The following ARHGAP28 variants were observed in gnomAD, a reference collection of about 807,000 sequenced individuals.
The protein encoded by ARHGAP28 is Rho GTPase activating protein 28, also known as rho GTPase-activating protein 28.
In ARHGAP28, 56 loss-of-function variants were observed where a neutral mutation model predicts 90.7. The observed-to-expected ratio is 0.62, with a 90% CI of 0.50 to 0.77. The LOEUF is 0.77. Ranked by LOEUF, ARHGAP28 falls within the 30% of genes least tolerant of loss-of-function variation. The pLI is 0.00. For synonymous variants in ARHGAP28, 308 were observed against 323.3 expected, an observed-to-expected ratio of 0.95 and a Z score of 0.51; for missense variants, 869 against 900.9, an observed-to-expected ratio of 0.96 and a Z score of 0.45.
intron 2 of ARHGAP28, among the ~76,000 whole-genome samples, chr18:6,826,088 C>A (rs2056660069): frequency 1.3e-5 from 2 of 150,148 alleles, no homozygotes; most frequent in South Asian, 4.2e-4. Context: ...AGTACTTAAG[C>A]ATTCTCTTTT....
At chr18:6,846,499 T>C (rs1184382756) in intron 3 of ARHGAP28, among the ~76,000 whole-genome samples, 4 of 152,184 alleles carry the variant, frequency 2.6e-5, no homozygotes, top group African/African-American at 9.6e-5. Context: ...CAGTGGGTGC[T>C]GTGAGCAATC....
intron 5 of ARHGAP28, among the ~76,000 whole-genome samples, chr18:6,866,976 G>A (rs1004828758): frequency 3.9e-5 from 6 of 152,182 alleles, no homozygotes; most frequent in Non-Finnish European, 8.8e-5. Context: ...ATCTCTTTAA[G>A]GATTTGAGTG....
At chr18:6,904,269 C>G (rs1013726805) in intron 16 of ARHGAP28, among the ~76,000 whole-genome samples, 75 of 152,084 alleles carry the variant, frequency 4.9e-4, no homozygotes, top group Admixed American at 4.8e-3. Context: ...TGGCGGGCAC[C>G]TGTAATCTTA....
chr18:6,866,574 G>A (rs1265314178), intron 5 of ARHGAP28, among the ~76,000 whole-genome samples: 3 of 152,096 alleles, frequency 2.0e-5, no homozygotes, highest in Non-Finnish European at 4.4e-5. Flanking sequence ...ACTTGCAGTT[G>A]GTATTACAGA....
In ARHGAP28 at chr18:6,804,865, G is replaced by A. The variant is rs987337601; in HGVS notation, c.123-19897G>A. Among the ~76,000 whole-genome samples the A allele has an allele frequency of 3.3e-5, 5 of 152,226 alleles. No individual in the cohort carries two copies. In the East Asian group the frequency reaches 5.8e-4, roughly 18 times the overall value. ...AAATGTTCTATGTGTACTTGAAAAC[G>A]TGTATTCTGCTATTAATGGGTGAAA... On this transcript the variant is annotated intron_variant, in intron 1 of 17. Transcript: ENST00000383472.
chr18:6,847,985 G>A (rs1327430133), intron 3 of ARHGAP28, among the ~76,000 whole-genome samples: 1 of 152,116 alleles, frequency 6.6e-6, no homozygotes, highest in Non-Finnish European at 1.5e-5. Context: ...TTTCTACCAG[G>A]AAAGTTCATT....
chr18:6,841,925 A>G (rs2056830842), intron 3 of ARHGAP28, among the ~76,000 whole-genome samples: 1 of 152,108 alleles, frequency 6.6e-6, no homozygotes. Flanking sequence ...TATTTTCTCA[A>G]TTATCTCCTT....
chr18:6,782,310 C>A (rs934175245), intron 1 of ARHGAP28, among the ~76,000 whole-genome samples: 2 of 152,036 alleles, frequency 1.3e-5, no homozygotes, highest in African/African-American at 4.8e-5. Context: ...GTTATTCTTT[C>A]CATCTTTTAA....
chr18:6,814,808 G>A (rs2056579690), intron 1 of ARHGAP28, among the ~76,000 whole-genome samples: 1 of 152,188 alleles, frequency 6.6e-6, no homozygotes, highest in Admixed American at 6.5e-5. Flanking sequence ...TTAAAAAGAT[G>A]TTTATCCAGA....
intron 1 of ARHGAP28, among the ~76,000 whole-genome samples, chr18:6,817,136 A>T (rs2056596579): frequency 6.6e-6 from 1 of 151,720 alleles, no homozygotes; most frequent in Non-Finnish European, 1.5e-5. Flanking sequence ...CAACATGGTG[A>T]AACCCCGTCT....
chr18:6,831,731 C>T (rs1322986832), intron 2 of ARHGAP28, among the ~76,000 whole-genome samples: 1 of 151,844 alleles, frequency 6.6e-6, no homozygotes, highest in African/African-American at 2.4e-5. Flanking sequence ...TTTATCTTGC[C>T]TTATTGTACT....
At chr18:6,856,718 A>C (rs1204948219) in intron 4 of ARHGAP28, among the ~76,000 whole-genome samples, 1 of 152,158 alleles carries the variant, frequency 6.6e-6, no homozygotes, top group Non-Finnish European at 1.5e-5. Flanking sequence ...AATTACAGTT[A>C]ATCAAAATAT....
At chr18:6,829,727 A>T (rs962581448) in intron 2 of ARHGAP28, among the ~76,000 whole-genome samples, 4 of 152,092 alleles carry the variant, frequency 2.6e-5, no homozygotes, top group Non-Finnish European at 4.4e-5. Flanking sequence ...ATCATTAATT[A>T]TTTTGGGGTT....
chr18:6,836,820 C>G (rs1600229068), intron 2 of ARHGAP28, among the ~76,000 whole-genome samples: 1 of 152,150 alleles, frequency 6.6e-6, no homozygotes, highest in East Asian at 1.9e-4. Flanking sequence ...GGCATTTGAA[C>G]CTCCATGTGA....
At chr18:6,907,394 GAA>G (rs201812761) in intron 16 of ARHGAP28, among the ~76,000 whole-genome samples, 3 of 136,876 alleles carry the variant, frequency 2.2e-5, no homozygotes, top group East Asian at 2.2e-4. Context: ...TCAAAAACTG[GAA>G]AAAAAAAAAA....
intron 1 of ARHGAP28, among the ~76,000 whole-genome samples, chr18:6,776,014 A>C (rs1461312608): frequency 6.6e-6 from 1 of 152,150 alleles, no homozygotes; most frequent in East Asian, 1.9e-4. Flanking sequence ...AATGAACAAC[A>C]CTTAGCCTAC....
intron 1 of ARHGAP28, among the ~76,000 whole-genome samples, chr18:6,759,724 C>G (rs1431045225): frequency 6.6e-6 from 1 of 152,106 alleles, no homozygotes; most frequent in Non-Finnish European, 1.5e-5. Flanking sequence ...TCTTGAAAAA[C>G]TATGAAAGAA....
rs751008249 is a variant in ARHGAP28 at position 6,873,748 on chromosome 18, A to C, written c.1185A>C (p.Gly395=). The C allele has an allele frequency of 6.2e-7, 1 of 1,614,056 alleles. No individual in the cohort carries two copies. Residue 395 remains glycine, a synonymous_variant, in exon 9 of 18, where the codon GGA becomes GGC. Coordinates refer to ENST00000383472, the MANE Select transcript of ARHGAP28 (RefSeq NM_001366230.1). ...ACGGTGACCGAAAGAAAGACCCTGG[A>C]GTGAAAGTTCCCCTGGTATTACAAA... ...LLDGDRKKDP[G]VKVPLVLQKF... is the part of the protein sequence containing the mutation.
rs1251996066 is a variant in ARHGAP28, at chr18:6,890,517, C to G, written c.1822C>G (p.Leu608Val). 2 of 1,612,588 alleles carry G rather than the reference C, an allele frequency of 1.2e-6. No homozygotes were observed. Among genetic ancestry groups the G allele is most frequent in the Admixed American group, 1.7e-5 (1 of 59,700 alleles). The change falls in exon 14 of 18, where the codon CTC becomes GTC. Residue 608 changes from leucine (L) to valine (V), a missense_variant. Coordinates refer to ENST00000383472, the MANE Select transcript of ARHGAP28 (RefSeq NM_001366230.1). ...KKQLPSVRKL[L>V]RRKTLERETA... is the part of the protein sequence containing the mutation. ...GCAGCTCCCAAGTGTCAGGAAGCTGCTCAGGAGGAAGACCCTCGAGCGGGA... is the reference window on the plus strand; with the variant it reads ...GCAGCTCCCAAGTGTCAGGAAGCTGGTCAGGAGGAAGACCCTCGAGCGGGA...
Sources: allele counts gnomAD v4.1 joint callset (sites outside exome capture counted in the v4.1 genomes callset), GRCh38; gene constraint gnomAD v4.1.1; transcripts MANE v1.5; gene names NCBI Gene and HGNC (gene_info 2026-07-23, HGNC 2026-07-21).